SERPINA12: variants seen among roughly 807,000 people sequenced by gnomAD.
The protein encoded by SERPINA12 is serpin family A member 12.
In SERPINA12, 21 loss-of-function variants were observed where a neutral mutation model predicts 25.9. The ratio of observed to expected loss-of-function variants is 0.81; its 90% confidence interval spans 0.58 to 1.17. The LOEUF (loss-of-function observed/expected upper bound fraction) is 1.17. Among genes scored for constraint, SERPINA12 ranks in the 50% most tolerant of loss-of-function variants. The pLI, the probability that SERPINA12 is intolerant of heterozygous loss-of-function variation, is 0.00. For synonymous variants in SERPINA12, 220 were observed against 196.0 expected, an observed-to-expected ratio of 1.12 and a Z score of -1.02; for missense variants, 562 against 508.3, an observed-to-expected ratio of 1.11 and a Z score of -1.02.
rs370769652 is a variant in SERPINA12 at position 94,498,273 on chromosome 14, C to T, written c.125G>A (p.Arg42Lys). The change falls in exon 2 of 5, where the codon AGG (arginine) becomes AAG (lysine). Residue 42 changes from arginine to lysine, a missense_variant. Physicochemically the swap from Arg to Lys is conservative, Grantham distance 26. Coordinates refer to ENST00000677451, the MANE Select transcript of SERPINA12 (RefSeq NM_001382267.1). ...CCTTGCAAGCTCCTTGGCTGCCATC[C>T]TTTGCTTCCATCCTTGGACCTCGCT... ...ALSEVQGWKQ[R>K]MAAKELARQN... 1.9e-6 allele frequency: 3 copies of T among 1,614,094 alleles called. No homozygotes were observed. The highest frequency in any genetic ancestry group is 1.3e-5 in the African/African-American group (1 of 74,924).
At chr14:94,499,605 A>G (rs1900626474) in intron 1 of SERPINA12, among the ~76,000 whole-genome samples, 1 of 152,188 alleles carries the variant, frequency 6.6e-6, no homozygotes, top group African/African-American at 2.4e-5. Context: ...CATGTCTGTA[A>G]TCTGTGGGTA....
At chr14:94,507,604 A>C (rs1900976641) in intron 1 of SERPINA12, among the ~76,000 whole-genome samples, 1 of 152,240 alleles carries the variant, frequency 6.6e-6, no homozygotes, top group Non-Finnish European at 1.5e-5. Flanking sequence ...GGTGCTCGAC[A>C]TCATTAATCA....
upstream of SERPINA12, among the ~76,000 whole-genome samples, chr14:94,512,423 C>T (rs1187970994): frequency 6.6e-6 from 1 of 152,046 alleles, no homozygotes; most frequent in Non-Finnish European, 1.5e-5. Flanking sequence ...ATGCAAAGGC[C>T]CATGTGGAGA....
rs770819814 is a variant in SERPINA12 at position 94,489,785 on chromosome 14, C to T, written c.906-18G>A. On this transcript the variant is annotated intron_variant, in intron 3 of 4. Transcript: ENST00000677451. ...CTACGACCCTGGGGAATTGACACGA[C>T]AAGGGTGAGTGGTCAAGTCCTGTTG... is the stretch of plus-strand genomic sequence containing the variant. 6 of 1,612,452 alleles carry T rather than the reference C, an allele frequency of 3.7e-6. No individual in the cohort carries two copies. The highest frequency in any genetic ancestry group is 4.2e-6 in the Non-Finnish European group (5 of 1,178,960).
chr14:94,495,070 T>TC (rs1046303660), intron 3 of SERPINA12, among the ~76,000 whole-genome samples: 2 of 133,678 alleles, frequency 1.5e-5, no homozygotes, highest in African/African-American at 6.4e-5. Flanking sequence ...CTTTCTTTTT[T>TC]TTTTTTTTTT....
intron 4 of SERPINA12, 35 bp downstream of exon 4, chr14:94,489,585 C>T: frequency 6.2e-7 from 1 of 1,608,372 alleles, no homozygotes; most frequent in Non-Finnish European, 8.5e-7. Context: ...GGCCCCTGTG[C>T]TGCAGGGAGT....
intron 1 of SERPINA12, among the ~76,000 whole-genome samples, chr14:94,502,747 G>C (rs1377913799): frequency 6.6e-6 from 1 of 152,238 alleles, no homozygotes; most frequent in African/African-American, 2.4e-5. Flanking sequence ...AGTTTAGAAT[G>C]CTTTGGACAA....
upstream of SERPINA12, among the ~76,000 whole-genome samples, chr14:94,513,216 T>A (rs1311319111): frequency 6.6e-6 from 1 of 152,234 alleles, no homozygotes; most frequent in Non-Finnish European, 1.5e-5. Flanking sequence ...GGGCATACTC[T>A]GAGTTGCCAC....
At chr14:94,505,249 C>T (rs1209904024) in intron 1 of SERPINA12, among the ~76,000 whole-genome samples, 1 of 152,188 alleles carries the variant, frequency 6.6e-6, no homozygotes, top group African/African-American at 2.4e-5. Flanking sequence ...CCCAGACAAA[C>T]CTTCTTGGAA....
intron 1 of SERPINA12, among the ~76,000 whole-genome samples, chr14:94,516,348 A>T (rs925660453): frequency 6.6e-6 from 1 of 152,190 alleles, no homozygotes; most frequent in African/African-American, 2.4e-5. Flanking sequence ...GTCAAAGCTT[A>T]AAGGACAGAC....
At chr14:94,491,471 C>T (rs1467859305) in intron 3 of SERPINA12, among the ~76,000 whole-genome samples, 1 of 151,428 alleles carries the variant, frequency 6.6e-6, no homozygotes, top group East Asian at 1.9e-4. Flanking sequence ...CATTCTGTTG[C>T]CTCTGTTAAG....
chr14:94,490,331 C>T (rs72631640), intron 3 of SERPINA12, among the ~76,000 whole-genome samples: 14,674 of 152,126 alleles, frequency 0.096, 829 homozygotes, highest in Middle Eastern at 0.16. Context: ...GTAGCAGGTG[C>T]CCATCCTCCT....
intron 1 of SERPINA12, among the ~76,000 whole-genome samples, chr14:94,505,993 G>A (rs1166371086): frequency 6.6e-6 from 1 of 152,198 alleles, no homozygotes; most frequent in East Asian, 1.9e-4. Flanking sequence ...TATAGGCATG[G>A]GAGGGAGCAG....
At position 94,493,232 on chromosome 14, in the gene SERPINA12, G is replaced by C. The variant is rs185158959; in HGVS notation, c.905+3141C>G. ...TCTCCCAGAAATAATGAGCTCAGAA[G>C]GTAGGAATGTTTGTTCCTATCATGT... On this transcript the variant is annotated intron_variant, in intron 3 of 4. Coordinates refer to ENST00000677451, the MANE Select transcript of SERPINA12 (RefSeq NM_001382267.1). Among the ~76,000 whole-genome samples, 56 of 152,276 alleles carry C rather than the reference G, an allele frequency of 3.7e-4. 1 individual carries two copies. Among genetic ancestry groups the C allele is most frequent in the Non-Finnish European group, 3.8e-4 (26 of 68,034 alleles).
intron 1 of SERPINA12, among the ~76,000 whole-genome samples, chr14:94,502,142 G>A (rs74077734): frequency 0.024 from 3,606 of 151,434 alleles, 167 homozygotes; most frequent in African/African-American, 0.082. Flanking sequence ...GATAGAAACC[G>A]AACCCCATGG....
At chr14:94,487,554 G>T in intron 4 of SERPINA12, 60 bp from the exon 5 acceptor site, 3 of 1,448,308 alleles carry the variant, frequency 2.1e-6, no homozygotes, top group Non-Finnish European at 1.9e-6. Flanking sequence ...ACAGTGGGCC[G>T]GAGGCCCAGA....
intron 1 of SERPINA12, among the ~76,000 whole-genome samples, chr14:94,508,707 T>C (rs1363100707): frequency 1.3e-5 from 2 of 152,204 alleles, no homozygotes; most frequent in Admixed American, 6.5e-5. Flanking sequence ...AATTGGAACA[T>C]GTGTACAAGA....
intron 1 of SERPINA12, among the ~76,000 whole-genome samples, chr14:94,500,121 C>T (rs1205174667): frequency 6.6e-6 from 1 of 152,144 alleles, no homozygotes; most frequent in Non-Finnish European, 1.5e-5. Context: ...CCCCAGTTCC[C>T]AGGTTCTTCA....
intron 4 of SERPINA12, among the ~76,000 whole-genome samples, chr14:94,489,032 G>A (rs991691924): frequency 4.6e-5 from 7 of 152,060 alleles, no homozygotes; most frequent in Admixed American, 6.6e-5. Context: ...GGGAGGTGGA[G>A]GTTGCAGTGA....
Sources: gnomAD v4.1 joint callset for allele counts (sites outside exome capture counted in the v4.1 genomes callset) on GRCh38, gnomAD v4.1.1 for gene constraint, MANE v1.5 for transcripts, NCBI Gene and HGNC (gene_info 2026-07-23, HGNC 2026-07-21) for gene names.